The following ANKH variants were observed in gnomAD, a reference collection of about 807,000 sequenced individuals.
ANKH encodes ANKH inorganic pyrophosphate transport regulator.
Under a neutral mutation model 49.0 loss-of-function variants are expected in ANKH, and 15 were observed. The ratio of observed to expected loss-of-function variants is 0.31; its 90% CI spans 0.20 to 0.47. The LOEUF (loss-of-function observed/expected upper bound fraction) is 0.47, where lower values mean the gene tolerates loss of function less well. Among genes scored for constraint, ANKH ranks in the 20% least tolerant of loss-of-function variants. The probability of loss-of-function intolerance (pLI) is 1.00; values close to 1 mark genes in which losing one functional copy is unlikely to be tolerated. For missense variants in ANKH, 429 were observed against 652.0 expected (o/e 0.66, Z 3.72); for synonymous variants, 273 against 260.0 (o/e 1.05, Z -0.48).
chr5:14,834,572 G>A (rs1358454993), intron 1 of ANKH, among the ~76,000 whole-genome samples: 1 of 152,142 alleles, frequency 6.6e-6, no homozygotes, highest in Non-Finnish European at 1.5e-5. Flanking sequence ...CATGAAGCCA[G>A]GAGTTCAAGA....
rs891051 is a variant in ANKH at position 14,745,437 on chromosome 5, G to C, written c.915+433C>G. On this transcript the variant is annotated intron_variant, in intron 7 of 11. Coordinates refer to ENST00000284268, the MANE Select transcript of ANKH (RefSeq NM_054027.6). This position sits in a 1 kb window ranked among gnomAD's most constrained non-coding sequence, Gnocchi z 4.7. ...CCCAGGTCTTGCCTGTGGCCAACCT[G>C]AGCATGTAGGTAGGCCAGCCCACAG... Among the ~76,000 whole-genome samples, 47,997 of 151,682 alleles carry C rather than the reference G, an allele frequency of 0.32. 8,621 individuals carry two copies. Among genetic ancestry groups the C allele is most frequent in the African/African-American group, 0.5 (20,804 of 41,256 alleles).
intron 1 of ANKH, among the ~76,000 whole-genome samples, chr5:14,837,054 C>G (rs1414029147): frequency 1.3e-5 from 2 of 152,162 alleles, no homozygotes; most frequent in Non-Finnish European, 2.9e-5. Flanking sequence ...GCTGGGAAAA[C>G]TGGCTAGCCA....
chr5:14,739,405 A>C (rs888625797), intron 8 of ANKH, among the ~76,000 whole-genome samples: 1 of 152,140 alleles, frequency 6.6e-6, no homozygotes, highest in Non-Finnish European at 1.5e-5. Flanking sequence ...CGACGGAGTG[A>C]GACTTTGTCT....
chr5:14,812,982 T>C (rs1740930488), intron 1 of ANKH, among the ~76,000 whole-genome samples: 1 of 152,184 alleles, frequency 6.6e-6, no homozygotes, highest in Admixed American at 6.5e-5. Flanking sequence ...CATATTAACA[T>C]ATGGTTGAAG....
Position 14,711,187 on chromosome 5 carries a change from G to T in ANKH, c.*10C>A, listed in dbSNP as rs750571370. On this transcript the variant is annotated 3_prime_UTR_variant, in exon 12 of 12. Transcript: ENST00000284268. The stretch of plus-strand genomic sequence containing the variant: ...TGACTGTCCCTGCAGTGCCCATGGC[G>T]TCCCGTGCCTTATTCATTCTCCTCT... 4 of 1,607,448 alleles carry T rather than the reference G, an allele frequency of 2.5e-6. No individual in the cohort carries two copies. The South Asian group carries it at 3.3e-5, about 13-fold the overall frequency.
intron 7 of ANKH, among the ~76,000 whole-genome samples, chr5:14,742,306 C>T (rs1738387089): frequency 6.6e-6 from 1 of 152,156 alleles, no homozygotes; most frequent in East Asian, 1.9e-4. Context: ...ATGCCATGGC[C>T]CTGCTCAGTG....
rs2126392029 is a variant in ANKH at position 14,711,036 on chromosome 5, C to CA, written c.*160dup. On this transcript the variant is annotated 3_prime_UTR_variant, in exon 12 of 12. Coordinates refer to ENST00000284268, the MANE Select transcript of ANKH (RefSeq NM_054027.6). The stretch of plus-strand genomic sequence containing the variant: ...GTCCCCCCGTCAGTGTGAGCATACC[C>CA]AGTATGCTAGAGAATTGACACGAAA... The CA allele has an allele frequency of 1.4e-6, 1 of 711,016 alleles. No individual in the cohort carries two copies. The highest frequency in any genetic ancestry group is 2.6e-6 in the Non-Finnish European group (1 of 391,822). 44.0% of individuals were successfully genotyped at this position (711,016 alleles called of 1,614,324 possible). A position where few individuals can be genotyped will look rare whatever the true frequency, so the allele number is the denominator to read the frequency against.
chr5:14,827,522 T>C (rs1741379206), intron 1 of ANKH, among the ~76,000 whole-genome samples: 1 of 152,186 alleles, frequency 6.6e-6, no homozygotes, highest in Non-Finnish European at 1.5e-5. Context: ...CCAGGCATAG[T>C]TGAGAAGAAG....
At chr5:14,845,261 T>C (rs1026606669) in intron 1 of ANKH, among the ~76,000 whole-genome samples, 1 of 152,062 alleles carries the variant, frequency 6.6e-6, no homozygotes, top group Non-Finnish European at 1.5e-5. Flanking sequence ...CAGAACCGTC[T>C]TTCTTCCATC....
chr5:14,713,117 C>A lies in ANKH; in HGVS notation c.1266-144G>T. 1.2e-6 allele frequency: 1 copy of A among 811,202 alleles called. No homozygotes were observed. The highest frequency in any genetic ancestry group is 2.0e-5 in the Admixed American group (1 of 49,126). 50.3% of individuals were successfully genotyped at this position (811,202 alleles called of 1,614,324 possible). A position where few individuals can be genotyped will look rare whatever the true frequency, so the allele number is the denominator to read the frequency against. ...CCATCTGCTGGCTTCGTAAGGGCCG[C>A]AGCTAATAACCTAATGTGTGAGGGG... On this transcript the variant is annotated intron_variant, in intron 10 of 11. Transcript: ENST00000284268. The surrounding 1 kb of genome is among the most constrained non-coding windows in gnomAD (Gnocchi z 4.4).
Position 14,825,268 on chromosome 5 carries a change from T to C in ANKH, c.96+46084A>G, listed in dbSNP as rs182577527. ...AAATTCTAACTACTCAGCTATTCCA[T>C]GGCCTATCAAAACTCTTTCTACTAC... On this transcript the variant is annotated intron_variant, in intron 1 of 11. Transcript: ENST00000284268. 9.2e-5 allele frequency among the ~76,000 whole-genome samples: 14 copies of C among 152,346 alleles called. No homozygotes were observed. The East Asian group carries it at 2.7e-3, about 29-fold the overall frequency.
intron 1 of ANKH, among the ~76,000 whole-genome samples, chr5:14,852,836 A>G (rs937366791): frequency 2.0e-5 from 3 of 152,168 alleles, no homozygotes; most frequent in African/African-American, 7.2e-5. Context: ...TGGGTTCATG[A>G]TGCCAGCAGA....
Position 14,720,188 on chromosome 5 carries a change from C to T in ANKH, c.1012-3353G>A, listed in dbSNP as rs375064465. On this transcript the variant is annotated intron_variant, in intron 8 of 11. Transcript: ENST00000284268. ...ATAGAGCCATTCCCCTACGTATTTT[C>T]TGCATCTGGCAAAGTATATTCCACT... is the stretch of plus-strand genomic sequence containing the variant. 2.0e-4 allele frequency among the ~76,000 whole-genome samples: 30 copies of T among 152,282 alleles called. No individual in the cohort carries two copies. The South Asian group carries it at 6.2e-3, about 32-fold the overall frequency.
intron 1 of ANKH, among the ~76,000 whole-genome samples, chr5:14,850,211 G>T (rs560466109): frequency 3.8e-4 from 58 of 152,278 alleles, no homozygotes; most frequent in African/African-American, 1.3e-3. Context: ...TTCCAGATGT[G>T]GCCTGAGAGG....
At chr5:14,778,692 CT>C (rs1199300208) in intron 1 of ANKH, among the ~76,000 whole-genome samples, 15 of 152,166 alleles carry the variant, frequency 9.9e-5, no homozygotes, top group African/African-American at 3.4e-4. Flanking sequence ...CCCTTCCTTA[CT>C]ACTGCAGCCT....
intron 8 of ANKH, among the ~76,000 whole-genome samples, chr5:14,726,431 A>G (rs1375256555): frequency 6.6e-6 from 1 of 152,016 alleles, no homozygotes; most frequent in African/African-American, 2.4e-5. Flanking sequence ...CAAGCAGGGG[A>G]AGGGCTGAAT....
chr5:14,714,946 A>G (rs1408251346), intron 9 of ANKH, among the ~76,000 whole-genome samples: 2 of 152,226 alleles, frequency 1.3e-5, no homozygotes, highest in Non-Finnish European at 2.9e-5. Flanking sequence ...AGCTGCTTCT[A>G]GATGGTGGCA....
intron 1 of ANKH, among the ~76,000 whole-genome samples, chr5:14,802,621 C>T (rs571954065): frequency 1.3e-5 from 2 of 152,054 alleles, no homozygotes; most frequent in Non-Finnish European, 2.9e-5. Context: ...TCTGGTCCCT[C>T]ACCTCCTCTT....
At chr5:14,832,432 A>C (rs986863056) in intron 1 of ANKH, among the ~76,000 whole-genome samples, 1 of 152,198 alleles carries the variant, frequency 6.6e-6, no homozygotes, top group Admixed American at 6.5e-5. Context: ...CATCCTTTTC[A>C]AAAAACTCAA....
Sources: allele counts gnomAD v4.1 joint callset (sites outside exome capture counted in the v4.1 genomes callset), GRCh38; gene constraint gnomAD v4.1.1; non-coding constraint Gnocchi (gnomAD v3.1); transcripts MANE v1.5; gene names NCBI Gene and HGNC (gene_info 2026-07-23, HGNC 2026-07-21).